Variants in HAPLN3 observed in about 807,000 individuals in gnomAD.
HAPLN3 encodes extracellular link domain containing, 1.
A neutral mutation model predicts 28.1 loss-of-function variants in HAPLN3; 28 were observed. The ratio of observed to expected loss-of-function variants is 1.00; its 90% confidence interval spans 0.74 to 1.37. The LOEUF (loss-of-function observed/expected upper bound fraction) is 1.37, where lower values mean the gene tolerates loss of function less well. HAPLN3 is among the 40% of genes most tolerant of loss of function. HAPLN3 has a pLI of 0.00. For missense variants in HAPLN3, 513 were observed against 504.6 expected (o/e 1.02, Z -0.16); for synonymous variants, 211 against 213.1 (o/e 0.99, Z 0.09).
In HAPLN3 at chr15:88,878,273, G is replaced by A. The variant is rs199619911; in HGVS notation, c.797-17C>T. 76 of 1,602,206 alleles carry A rather than the reference G, an allele frequency of 4.7e-5. No homozygotes were observed. The East Asian group carries it at 1.1e-3, about 24-fold the overall frequency. ...ACACCCGCCCTGGGGGAAAGGGGGC[G>A]TGAGTGCCGTACAGCGCAGGGGGCA... On this transcript the variant is annotated splice_polypyrimidine_tract_variant and intron_variant, in intron 4 of 4. Coordinates refer to ENST00000359595, the MANE Select transcript of HAPLN3 (RefSeq NM_178232.4).
intron 2 of HAPLN3, among the ~76,000 whole-genome samples, chr15:88,885,459 T>G (rs1407881726): frequency 4.2e-4 from 15 of 35,964 alleles, no homozygotes; most frequent in Non-Finnish European, 6.0e-4. Context: ...GTTTTTTGTG[T>G]TTTTTTTTTT....
At chr15:88,889,083 A>G (rs556683782) in intron 1 of HAPLN3, among the ~76,000 whole-genome samples, 1 of 152,276 alleles carries the variant, frequency 6.6e-6, no homozygotes, top group South Asian at 2.1e-4. Flanking sequence ...ATTGCTTCCC[A>G]GCTCCCTTGC....
At chr15:88,893,361 T>C (rs1026909342) in intron 1 of HAPLN3, among the ~76,000 whole-genome samples, 6 of 151,086 alleles carry the variant, frequency 4.0e-5, no homozygotes, top group South Asian at 4.3e-4. Flanking sequence ...GAAGTTGCAG[T>C]GAGCCAAGAC....
chr15:88,881,351 T>A lies in HAPLN3; in HGVS notation c.493+6A>T, dbSNP rs1393115373. ...CAGTGTCACCCAGTCCCCGTTAGCATCTCACCCCGCAGCTCCAGCTCCACC... is the reference window on the plus strand; with the variant it reads ...CAGTGTCACCCAGTCCCCGTTAGCAACTCACCCCGCAGCTCCAGCTCCACC... On this transcript the variant is annotated splice_donor_region_variant and intron_variant, in intron 3 of 4. Coordinates refer to ENST00000359595, the MANE Select transcript of HAPLN3 (RefSeq NM_178232.4). This position sits in a 1 kb window ranked among gnomAD's most constrained non-coding sequence, Gnocchi z 6.0. 20 of 1,607,022 alleles carry A rather than the reference T, an allele frequency of 1.2e-5. No individual in the cohort carries two copies. The highest frequency in any genetic ancestry group is 1.6e-5 in the Non-Finnish European group (19 of 1,176,486).
intron 1 of HAPLN3, among the ~76,000 whole-genome samples, chr15:88,892,278 A>G (rs56705268): frequency 0.18 from 26,825 of 151,840 alleles, 3,306 homozygotes; most frequent in African/African-American, 0.34. Context: ...CCAACATGGT[A>G]AAACCCCGTC....
At position 88,888,133 on chromosome 15, in the gene HAPLN3, G is replaced by A. The variant is rs868149793; in HGVS notation, c.-47-788C>T. Among the ~76,000 whole-genome samples the A allele has an allele frequency of 2.4e-4, 35 of 144,528 alleles. No individual in the cohort carries two copies. Among genetic ancestry groups the A allele is most frequent in the African/African-American group, 6.6e-4 (25 of 38,028 alleles). 94.8% of individuals were successfully genotyped at this position (144,528 alleles called of 152,430 possible). ...TTTTTTTTTTTTGAGACAGAGTCTCGCTCTGTCGCCCAGGCTGGAGTGGAG... is the reference window on the plus strand; with the variant it reads ...TTTTTTTTTTTTGAGACAGAGTCTCACTCTGTCGCCCAGGCTGGAGTGGAG... On this transcript the variant is annotated intron_variant, in intron 1 of 4. Transcript: ENST00000359595. This position sits in a 1 kb window ranked among gnomAD's most constrained non-coding sequence, Gnocchi z 4.1.
rs1480860407 is a variant in HAPLN3 at position 88,881,779 on chromosome 15, T to G, written c.125-54A>C. On this transcript the variant is annotated intron_variant, in intron 2 of 4. Transcript: ENST00000359595. The surrounding 1 kb of genome is among the most constrained non-coding windows in gnomAD (Gnocchi z 6.0). ...ACCTGCTGAAGCACATCTGTACCCC[T>G]GCAAGGGCCACCGCACACCCTCATC... The G allele has an allele frequency of 1.9e-6, 3 of 1,547,616 alleles. No homozygotes were observed. Among genetic ancestry groups the G allele is most frequent in the Non-Finnish European group, 2.6e-6 (3 of 1,145,046 alleles).
At chr15:88,886,379 A>G (rs1246458823) in intron 2 of HAPLN3, among the ~76,000 whole-genome samples, 1 of 150,088 alleles carries the variant, frequency 6.7e-6, no homozygotes, top group African/African-American at 2.5e-5. Context: ...GTATATTTTC[A>G]CCCTTGCCTA....
rs796566119 is a variant in HAPLN3 at position 88,878,116 on chromosome 15, C to A, written c.937G>T (p.Ala313Ser). The A allele has an allele frequency of 2.5e-6, 4 of 1,613,970 alleles. No individual in the cohort carries two copies. Among genetic ancestry groups the A allele is most frequent in the Admixed American group, 1.7e-5 (1 of 60,002 alleles). ...WKFHGLDRCD[A>S]GWLADGSVRY... ...ACGCTACCATCTGCCAGCCAGCCAG[C>A]GTCGCAGCGGTCCAGGCCATGGAAC... Residue 313 changes from alanine to serine, a missense_variant, in exon 5 of 5, where the codon GCT becomes TCT. Transcript: ENST00000359595.
At position 88,878,077 on chromosome 15, in the gene HAPLN3, C is replaced by T; in HGVS notation, c.976G>A (p.Val326Ile). 6.2e-7 allele frequency: 1 copy of T among 1,614,068 alleles called. No homozygotes were observed. The highest frequency in any genetic ancestry group is 8.5e-7 in the Non-Finnish European group (1 of 1,180,012). ...GGCCCACAGTTAGGATGCGGGTGAA[C>T]CACAGGGTAGCGGACGCTACCATCT... ...LADGSVRYPV[V>I]HPHPNCGPPE... Residue 326 changes from valine to isoleucine, a missense_variant, in exon 5 of 5, where the codon GTT becomes ATT. By Grantham distance (29) the Val-to-Ile change is conservative. Transcript: ENST00000359595.
In HAPLN3 at chr15:88,887,140, G is replaced by A. The variant is rs1393219757; in HGVS notation, c.124+35C>T. ...GAGCCAAGGAGGTCTAGGTCACCCA[G>A]GGGAGCAAAGAGCCGGGTGCAGGAG... On this transcript the variant is annotated intron_variant, in intron 2 of 4. Coordinates refer to ENST00000359595, the MANE Select transcript of HAPLN3 (RefSeq NM_178232.4). 3 of 1,612,624 alleles carry A rather than the reference G, an allele frequency of 1.9e-6. No individual in the cohort carries two copies. The East Asian group carries it at 6.7e-5, about 36-fold the overall frequency.
chr15:88,894,601 G>A (rs1361765764), intron 1 of HAPLN3, among the ~76,000 whole-genome samples: 3 of 139,962 alleles, frequency 2.1e-5, no homozygotes, highest in Non-Finnish European at 3.1e-5. Context: ...CCGCTGGCCC[G>A]GGCGGCGTCG....
At chr15:88,889,541 A>G (rs1309723346) in intron 1 of HAPLN3, among the ~76,000 whole-genome samples, 1 of 152,122 alleles carries the variant, frequency 6.6e-6, no homozygotes, top group Admixed American at 6.5e-5. Flanking sequence ...TCACCATGTT[A>G]GCCAGGCTGG....
intron 1 of HAPLN3, among the ~76,000 whole-genome samples, chr15:88,892,408 G>T (rs1369597067): frequency 6.6e-6 from 1 of 151,374 alleles, no homozygotes; most frequent in African/African-American, 2.4e-5. Flanking sequence ...AGTGAGCCGA[G>T]ATCACACCTT....
rs972346207 is a variant in HAPLN3, at chr15:88,880,955, G to A, written c.493+402C>T. Among the ~76,000 whole-genome samples the A allele has an allele frequency of 6.6e-5, 10 of 152,104 alleles. No individual in the cohort carries two copies. The East Asian group carries it at 7.7e-4, about 12-fold the overall frequency. ...GTGCCCAGTCCCCACCACTCCCATCGTCTCACAGTGGGCTGCCTCATTCGC... is the reference window on the plus strand; with the variant it reads ...GTGCCCAGTCCCCACCACTCCCATCATCTCACAGTGGGCTGCCTCATTCGC... On this transcript the variant is annotated intron_variant, in intron 3 of 4. Coordinates refer to ENST00000359595, the MANE Select transcript of HAPLN3 (RefSeq NM_178232.4). This position sits in a 1 kb window ranked among gnomAD's most constrained non-coding sequence, Gnocchi z 6.0.
chr15:88,891,736 C>T (rs941123195), intron 1 of HAPLN3, among the ~76,000 whole-genome samples: 1 of 152,180 alleles, frequency 6.6e-6, no homozygotes. Flanking sequence ...AGCTAGGATT[C>T]GAACCCACTC....
chr15:88,877,652 T>C lies in HAPLN3; in HGVS notation c.*318A>G, dbSNP rs779917526. On this transcript the variant is annotated 3_prime_UTR_variant, in exon 5 of 5. Transcript: ENST00000359595. This position sits in a 1 kb window ranked among gnomAD's most constrained non-coding sequence, Gnocchi z 5.1. ...CATGCCCGGACTCCCGGCGGCATTC[T>C]AGACAGGCCACCGCCCACTCTGGGC... is the stretch of plus-strand genomic sequence containing the variant. The C allele has an allele frequency of 8.6e-5, 24 of 280,660 alleles. No individual in the cohort carries two copies. Among genetic ancestry groups the C allele is most frequent in the Non-Finnish European group, 1.3e-4 (19 of 150,228 alleles). 17.4% of individuals were successfully genotyped at this position (280,660 alleles called of 1,614,324 possible).
chr15:88,887,131 G>A (rs372167134), intron 2 of HAPLN3, 44 bp downstream of exon 2: 1 of 1,607,490 alleles, frequency 6.2e-7, no homozygotes, highest in Admixed American at 1.7e-5. Flanking sequence ...AGGAGGTCTA[G>A]GTCACCCAGG....
chr15:88,890,929 G>C (rs1476347420), intron 1 of HAPLN3, among the ~76,000 whole-genome samples: 1 of 151,890 alleles, frequency 6.6e-6, no homozygotes, highest in Non-Finnish European at 1.5e-5. Context: ...CCAGGCTGGA[G>C]TGCAATGGTG....
Sources: gnomAD v4.1 joint callset for allele counts (sites outside exome capture counted in the v4.1 genomes callset) on GRCh38, gnomAD v4.1.1 for gene constraint, Gnocchi (gnomAD v3.1) non-coding constraint, MANE v1.5 for transcripts, NCBI Gene and HGNC (gene_info 2026-07-23, HGNC 2026-07-21) for gene names.